Variants in PRKCB observed in about 807,000 individuals in gnomAD.
PRKCB encodes protein kinase C beta.
Under a neutral mutation model 81.5 loss-of-function variants are expected in PRKCB, and 13 were observed. That is an observed-to-expected ratio of 0.16 (90% CI 0.10 to 0.25). The LOEUF (loss-of-function observed/expected upper bound fraction) is 0.25, where lower values mean the gene tolerates loss of function less well. Among genes scored for constraint, PRKCB ranks in the 10% least tolerant of loss-of-function variants. The probability of loss-of-function intolerance (pLI) is 1.00; values close to 1 mark genes in which losing one functional copy is unlikely to be tolerated. For missense variants in PRKCB, 509 were observed against 875.7 expected (o/e 0.58, Z 5.29); for synonymous variants, 335 against 321.4 (o/e 1.04, Z -0.45).
intron 2 of PRKCB, among the ~76,000 whole-genome samples, chr16:23,877,058 A>G (rs1251750109): frequency 6.6e-6 from 1 of 152,176 alleles, no homozygotes; most frequent in Non-Finnish European, 1.5e-5. Context: ...CCTGAAACCA[A>G]ATGAATTCTA....
chr16:24,126,691 C>A (rs1402716560), intron 9 of PRKCB, among the ~76,000 whole-genome samples: 1 of 151,400 alleles, frequency 6.6e-6, no homozygotes, highest in Non-Finnish European at 1.5e-5. Flanking sequence ...CTCAGTCTCG[C>A]GCTCGGCTAA....
chr16:23,971,839 T>C (rs892858316), intron 2 of PRKCB, among the ~76,000 whole-genome samples: 10 of 152,172 alleles, frequency 6.6e-5, no homozygotes, highest in Non-Finnish European at 1.5e-4. Flanking sequence ...ACAACCACTT[T>C]GCAAAACAAT....
chr16:24,058,122 G>A (rs796644615), intron 5 of PRKCB, among the ~76,000 whole-genome samples: 40 of 152,126 alleles, frequency 2.6e-4, no homozygotes, highest in African/African-American at 8.2e-4. Context: ...CCTCAGCTTG[G>A]GTTGCTTTTC....
intron 5 of PRKCB, among the ~76,000 whole-genome samples, chr16:24,061,931 A>C (rs1294114535): frequency 3.8e-5 from 5 of 131,330 alleles, no homozygotes; most frequent in Admixed American, 7.2e-5. Context: ...AAAAAAAAAA[A>C]AACTTGAGGC....
At chr16:23,837,438 TG>T (rs758875219) in intron 2 of PRKCB, 32 bp downstream of exon 2, 1 of 1,598,984 alleles carries the variant, frequency 6.3e-7, no homozygotes, top group Non-Finnish European at 8.5e-7. Flanking sequence ...ATGCTATTTG[TG>T]GGAAGAGAGG....
At chr16:23,992,558 A>G (rs933973303) in intron 3 of PRKCB, among the ~76,000 whole-genome samples, 1 of 152,234 alleles carries the variant, frequency 6.6e-6, no homozygotes, top group African/African-American at 2.4e-5. Flanking sequence ...CTTGCTCCTA[A>G]TGTCTCTGGA....
chr16:23,936,655 A>G (rs1377616756), intron 2 of PRKCB, among the ~76,000 whole-genome samples: 1 of 147,620 alleles, frequency 6.8e-6, no homozygotes, highest in African/African-American at 2.5e-5. Flanking sequence ...CTGGTCTCGA[A>G]CTCAAGCGAT....
intron 2 of PRKCB, among the ~76,000 whole-genome samples, chr16:23,986,777 A>C (rs962445465): frequency 6.6e-6 from 1 of 152,146 alleles, no homozygotes; most frequent in Admixed American, 6.6e-5. Context: ...TTAAACATAT[A>C]TAAAAGTAAC....
chr16:24,208,895 CA>C (rs1968089473), intron 16 of PRKCB, among the ~76,000 whole-genome samples: 1 of 152,204 alleles, frequency 6.6e-6, no homozygotes, highest in Non-Finnish European at 1.5e-5. Context: ...TGCTGATTAG[CA>C]GGGAAATCAC....
At chr16:24,058,034 C>T (rs537758426) in intron 5 of PRKCB, among the ~76,000 whole-genome samples, 1 of 152,306 alleles carries the variant, frequency 6.6e-6, no homozygotes, top group East Asian at 1.9e-4. Flanking sequence ...CTCTTTCCAA[C>T]CTTGTTTGTT....
intron 5 of PRKCB, among the ~76,000 whole-genome samples, chr16:24,092,060 C>A (rs1966383168): frequency 6.6e-6 from 1 of 152,182 alleles, no homozygotes; most frequent in Non-Finnish European, 1.5e-5. Context: ...ACGTACAATT[C>A]AGTGACATTT....
At chr16:24,188,634 A>G (rs1432058410) in intron 15 of PRKCB, among the ~76,000 whole-genome samples, 1 of 152,106 alleles carries the variant, frequency 6.6e-6, no homozygotes, top group Non-Finnish European at 1.5e-5. Context: ...GGCTATTCCC[A>G]CTTTGAACAA....
intron 2 of PRKCB, among the ~76,000 whole-genome samples, chr16:23,985,915 T>C (rs1964797458): frequency 6.6e-6 from 1 of 152,148 alleles, no homozygotes; most frequent in Non-Finnish European, 1.5e-5. Flanking sequence ...CCCCAGTATA[T>C]ATAATTATTA....
intron 13 of PRKCB, 83 bp downstream of exon 13, chr16:24,181,011 G>T: frequency 6.5e-7 from 1 of 1,549,006 alleles, no homozygotes; most frequent in South Asian, 1.2e-5. Context: ...GGGAAGGGTT[G>T]AGGGTGGTAC....
intron 16 of PRKCB, among the ~76,000 whole-genome samples, chr16:24,201,136 A>T (rs943938912): frequency 6.6e-6 from 1 of 151,922 alleles, no homozygotes; most frequent in Non-Finnish European, 1.5e-5. Context: ...CTCATGTGAG[A>T]CTTACCCTCA....
chr16:24,128,129 C>T (rs550372045), intron 9 of PRKCB, among the ~76,000 whole-genome samples: 1 of 151,908 alleles, frequency 6.6e-6, no homozygotes. Context: ...GTAATCCCAG[C>T]ACTTTGGGAG....
At chr16:23,903,749 C>T (rs554160591) in intron 2 of PRKCB, among the ~76,000 whole-genome samples, 3 of 152,162 alleles carry the variant, frequency 2.0e-5, no homozygotes, top group Non-Finnish European at 2.9e-5. Flanking sequence ...TTTTTCTTCT[C>T]TTTACATGGT....
intron 5 of PRKCB, among the ~76,000 whole-genome samples, chr16:24,066,391 T>C (rs1350905038): frequency 6.6e-6 from 1 of 152,246 alleles, no homozygotes; most frequent in African/African-American, 2.4e-5. Flanking sequence ...TCCAATCTGC[T>C]GCTAAGCCAT....
intron 10 of PRKCB, among the ~76,000 whole-genome samples, chr16:24,165,282 A>G (rs1967325048): frequency 6.6e-6 from 1 of 152,154 alleles, no homozygotes; most frequent in African/African-American, 2.4e-5. Context: ...CTCAAAAGCA[A>G]TCCTTCCACC....
Sources: gnomAD v4.1 joint callset for allele counts (sites outside exome capture counted in the v4.1 genomes callset) on GRCh38, gnomAD v4.1.1 for gene constraint, MANE v1.5 for transcripts, NCBI Gene and HGNC (gene_info 2026-07-23, HGNC 2026-07-21) for gene names.